Variants in NFIB observed in about 807,000 individuals in gnomAD.
NFIB encodes the protein nuclear factor 1 B-type.
A neutral mutation model predicts 61.5 loss-of-function variants in NFIB; 11 were observed. The observed-to-expected ratio is 0.18, with a 90% CI of 0.11 to 0.30. The LOEUF (loss-of-function observed/expected upper bound fraction) is 0.30, where lower values mean the gene tolerates loss of function less well. Among genes scored for constraint, NFIB ranks in the 10% least tolerant of loss-of-function variants. NFIB has a pLI of 1.00. For synonymous variants in NFIB, 260 were observed against 216.5 expected (o/e 1.20, Z -1.76); for missense variants, 471 against 608.9 (o/e 0.77, Z 2.38).
rs566826263 is a variant in NFIB at position 14,355,922 on chromosome 9, A to G, written c.108+42602T>C. On this transcript the variant is annotated intron_variant, in intron 1 of 8. Transcript: ENST00000380934. ...CAGTGAGCTGAGATCACGCCACTGC[A>G]CTGCAGCCTGGGTGACAGAGCGAGA... is the stretch of plus-strand genomic sequence containing the variant. Among the ~76,000 whole-genome samples the G allele has an allele frequency of 2.0e-5, 3 of 151,976 alleles. No homozygotes were observed. In the East Asian group the frequency reaches 5.8e-4, roughly 29 times the overall value.
chr9:14,148,332 T>G (rs1173494371), intron 5 of NFIB, among the ~76,000 whole-genome samples: 1 of 151,970 alleles, frequency 6.6e-6, no homozygotes, highest in African/African-American at 2.4e-5. Flanking sequence ...CAGGCTGGTC[T>G]TGAACTCCTA....
intron 2 of NFIB, among the ~76,000 whole-genome samples, chr9:14,289,122 G>GCATATA (rs1440414990): frequency 0.011 from 1,536 of 139,868 alleles, 36 homozygotes; most frequent in African/African-American, 0.039. Flanking sequence ...GTGTGTATAT[G>GCATATA]TATATATATA....
At chr9:14,424,338 A>G in the NFIB span, among the ~76,000 whole-genome samples, 1 of 152,152 alleles carries the variant, frequency 6.6e-6, no homozygotes, top group Non-Finnish European at 1.5e-5. Context: ...TGTTTCTAGG[A>G]GATGTGAAAA....
chr9:14,475,070 C>A, the NFIB span, among the ~76,000 whole-genome samples: 1 of 152,220 alleles, frequency 6.6e-6, no homozygotes, highest in African/African-American at 2.4e-5. Flanking sequence ...GAAGTAATGC[C>A]TTACCAGCTA....
chr9:14,215,998 T>C (rs2050816298), intron 2 of NFIB, among the ~76,000 whole-genome samples: 1 of 152,128 alleles, frequency 6.6e-6, no homozygotes, highest in African/African-American at 2.4e-5. Flanking sequence ...AAATAGGAGG[T>C]ATCATCATCA....
chr9:14,179,888 G>A, intron 2 of NFIB, 108 bp from the exon 3 acceptor site: 2 of 1,010,230 alleles, frequency 2.0e-6, no homozygotes, highest in Non-Finnish European at 2.9e-6. Flanking sequence ...ATGAAGTTGA[G>A]TGCTTAAATA....
At chr9:14,328,994 C>T (rs986023321) in intron 1 of NFIB, among the ~76,000 whole-genome samples, 4 of 152,250 alleles carry the variant, frequency 2.6e-5, no homozygotes, top group East Asian at 3.9e-4. Context: ...GCACATAACA[C>T]GAAGAGTTTG....
At chr9:14,424,553 A>G in the NFIB span, among the ~76,000 whole-genome samples, 1 of 152,192 alleles carries the variant, frequency 6.6e-6, no homozygotes, top group Non-Finnish European at 1.5e-5. Context: ...CGGACTACCC[A>G]ATTAGAAGAC....
intron 2 of NFIB, chr9:14,180,751 TTCTG>T (rs1489735812): frequency 6.6e-6 from 1 of 152,364 alleles, no homozygotes; most frequent in African/African-American, 2.4e-5. Context: ...GAGGCAGAGA[TTCTG>T]TCTACTTCTT....
Position 14,173,906 on chromosome 9 carries a change from T to C in NFIB, c.616+5821A>G, listed in dbSNP as rs1234271812. On this transcript the variant is annotated intron_variant, in intron 3 of 10. Transcript: ENST00000380953. ...ATCAGGCTAGAAGCACTGTGGAGGC[T>C]GGGCATGGTGCCAACTGCTATGTAG... Among the ~76,000 whole-genome samples, 5 of 152,232 alleles carry C rather than the reference T, an allele frequency of 3.3e-5. 1 individual carries two copies. The highest frequency in any genetic ancestry group is 1.9e-4 in the East Asian group (1 of 5,196).
chr9:14,346,068 C>T (rs1482461914), intron 1 of NFIB, among the ~76,000 whole-genome samples: 1 of 152,150 alleles, frequency 6.6e-6, no homozygotes, highest in Non-Finnish European at 1.5e-5. Context: ...CCCTGATCCC[C>T]GGCGCGCACA....
chr9:14,158,013 A>C (rs1467002555), intron 3 of NFIB, among the ~76,000 whole-genome samples: 1 of 150,690 alleles, frequency 6.6e-6, no homozygotes, highest in Non-Finnish European at 1.5e-5. Context: ...CGGGAGGCCG[A>C]GGCAGGAGAA....
At chr9:14,237,728 T>C (rs2053887944) in intron 2 of NFIB, among the ~76,000 whole-genome samples, 1 of 151,574 alleles carries the variant, frequency 6.6e-6, no homozygotes. Flanking sequence ...CATTTATTAT[T>C]GATCTACCAA....
chr9:14,096,227 C>G (rs2034765060), intron 10 of NFIB: 2 of 152,086 alleles, frequency 1.3e-5, no homozygotes, highest in Admixed American at 6.6e-5. Context: ...TAATATACTT[C>G]CTTTCACTAC....
At chr9:14,187,804 CA>C (rs919337073) in intron 2 of NFIB, among the ~76,000 whole-genome samples, 12 of 151,950 alleles carry the variant, frequency 7.9e-5, no homozygotes, top group African/African-American at 2.9e-4. Context: ...AATCATATAT[CA>C]AAAAAAATCA....
At chr9:14,499,042 G>A in the NFIB span, among the ~76,000 whole-genome samples, 5 of 151,796 alleles carry the variant, frequency 3.3e-5, no homozygotes, top group African/African-American at 4.8e-5. Flanking sequence ...GTGTGTGCAC[G>A]TGTGTACGTG....
intron 2 of NFIB, among the ~76,000 whole-genome samples, chr9:14,291,082 C>G (rs1477128548): frequency 6.6e-6 from 1 of 152,116 alleles, no homozygotes; most frequent in African/African-American, 2.4e-5. Context: ...ACTCTAATAT[C>G]TCTGTTTCAA....
intron 2 of NFIB, among the ~76,000 whole-genome samples, chr9:14,210,605 G>A (rs999968535): frequency 2.6e-5 from 4 of 151,750 alleles, no homozygotes; most frequent in African/African-American, 9.7e-5. Flanking sequence ...AATATAAATA[G>A]CATCGTTAGT....
At chr9:14,507,955 GACACA>G in the NFIB span, among the ~76,000 whole-genome samples, 2 of 142,296 alleles carry the variant, frequency 1.4e-5, no homozygotes. Flanking sequence ...CACAGACACA[GACACA>G]GACACACACA....
Sources: gnomAD v4.1 joint callset for allele counts (sites outside exome capture counted in the v4.1 genomes callset) on GRCh38, gnomAD v4.1.1 for gene constraint, MANE v1.5 for transcripts, NCBI Gene and HGNC (gene_info 2026-07-23, HGNC 2026-07-21) for gene names.